The following NBEAL2 variants were observed in gnomAD, a reference collection of about 807,000 sequenced individuals.
NBEAL2 encodes the protein neurobeachin-like protein 2.
NBEAL2 carries 160 observed loss-of-function variants against 299.8 expected under a neutral mutation model. The ratio of observed to expected loss-of-function variants is 0.53; its 90% CI spans 0.47 to 0.61. The LOEUF is 0.61. NBEAL2 is among the 20% of genes least tolerant of loss of function. The pLI is 0.00. For synonymous variants in NBEAL2, 1,493 were observed against 1,542.3 expected (o/e 0.97, Z 0.75); for missense variants, 3,112 against 3,649.0 (o/e 0.85, Z 3.79).
At position 46,986,722 on chromosome 3, in the gene NBEAL2, T is replaced by G. The variant is rs73831467; in HGVS notation, c.52-1947T>G. Among the ~76,000 whole-genome samples, 323 of 152,248 alleles carry G rather than the reference T, an allele frequency of 2.1e-3. 3 individuals carry two copies. Among genetic ancestry groups the G allele is most frequent in the African/African-American group, 7.5e-3 (310 of 41,540 alleles). On this transcript the variant is annotated intron_variant, in intron 1 of 53. Coordinates refer to ENST00000450053, the MANE Select transcript of NBEAL2 (RefSeq NM_015175.3). ...CGGGGCCCGCATGGTCCTCATGGGC[T>G]GGCTTGCTAGCAATCATGAGTGGTC...
Position 46,998,866 on chromosome 3 carries a change from G to T in NBEAL2, c.3371G>T (p.Gly1124Val), listed in dbSNP as rs751177103. 3.0e-5 allele frequency: 48 copies of T among 1,590,626 alleles called. No homozygotes were observed. In the African/African-American group the frequency reaches 6.0e-4, roughly 20 times the overall value. ...ATGCTGAGCTTTTTGGCGGCCACAGGCGATGACGGTCAGGTAGGCTGGAGG... is the reference window on the plus strand; with the variant it reads ...ATGCTGAGCTTTTTGGCGGCCACAGTCGATGACGGTCAGGTAGGCTGGAGG... Reference protein sequence around the residue: ...QTMLSFLAATGDDGQAVGALD... With the variant: ...QTMLSFLAATVDDGQAVGALD... The change falls in exon 23 of 54, where the codon GGC becomes GTC. Residue 1124 changes from glycine to valine, a missense_variant. Transcript: ENST00000450053.
Position 47,005,057 on chromosome 3 carries a change from G to A in NBEAL2, c.6380G>A (p.Gly2127Asp). The part of the protein sequence containing the change: ...AVFRDLSKPI[G>D]VVNPKHAQLV... ...TTCCGGGACCTGTCTAAGCCCATCGGTGTGGTGAACCCCAAGCATGCCCAG... is the reference window on the plus strand; with the variant it reads ...TTCCGGGACCTGTCTAAGCCCATCGATGTGGTGAACCCCAAGCATGCCCAG... Residue 2127 changes from glycine (G) to aspartate (D), a missense_variant, in exon 39 of 54, where the codon GGT becomes GAT. Coordinates refer to ENST00000450053, the MANE Select transcript of NBEAL2 (RefSeq NM_015175.3). 6.2e-7 allele frequency: 1 copy of A among 1,613,792 alleles called. No homozygotes were observed. Among genetic ancestry groups the A allele is most frequent in the East Asian group, 2.2e-5 (1 of 44,872 alleles).
In NBEAL2 at chr3:46,991,763, A is replaced by T; in HGVS notation, c.925+75A>T. On this transcript the variant is annotated intron_variant, in intron 8 of 53. Transcript: ENST00000450053. The surrounding 1 kb of genome is among the most constrained non-coding windows in gnomAD (Gnocchi z 6.2). The stretch of plus-strand genomic sequence containing the variant: ...GCCTAAGTGATGATGGAAGGTCTGG[A>T]TAGGGCAGCATAGGAAGGAAGGCTT... 1.3e-6 allele frequency: 2 copies of T among 1,561,414 alleles called. No homozygotes were observed.
chr3:46,989,527 A>C lies in NBEAL2; in HGVS notation c.490A>C (p.Lys164Gln), dbSNP rs767271874. ...TGCCCCCAGGGAAGTCATCAGCTCC[A>C]AGGAGAAGAGCAAATACAAGTTCCC... Reference protein sequence around the residue: ...RQRSGEVISSKEKSKYKFPPA... With the variant: ...RQRSGEVISSQEKSKYKFPPA... Residue 164 changes from lysine (K) to glutamine (Q), a missense_variant, in exon 6 of 54, where the codon AAG (lysine) becomes CAG (glutamine). Transcript: ENST00000450053. The surrounding 1 kb of genome is among the most constrained non-coding windows in gnomAD (Gnocchi z 5.5). The C allele has an allele frequency of 6.3e-7, 1 of 1,595,374 alleles. No individual in the cohort carries two copies. Among genetic ancestry groups the C allele is most frequent in the South Asian group, 1.1e-5 (1 of 87,806 alleles).
chr3:46,992,172 A>G (rs917264640), intron 9 of NBEAL2, among the ~76,000 whole-genome samples: 2 of 152,164 alleles, frequency 1.3e-5, no homozygotes, highest in Non-Finnish European at 2.9e-5. Context: ...TTTGTGCCCC[A>G]TGGAAGCGGG....
Position 46,982,496 on chromosome 3 carries a change from T to C in NBEAL2, c.51+2584T>C, listed in dbSNP as rs745584709. ...GGCCTCATAGTGAGGGAGGGGGCTG[T>C]GGGTGGCTGCTGAGGGAAGAGGGAA... On this transcript the variant is annotated intron_variant, in intron 1 of 53. Transcript: ENST00000450053. The surrounding 1 kb of genome is among the most constrained non-coding windows in gnomAD (Gnocchi z 4.2). Among the ~76,000 whole-genome samples, 10 of 152,096 alleles carry C rather than the reference T, an allele frequency of 6.6e-5. No individual in the cohort carries two copies. Among genetic ancestry groups the C allele is most frequent in the Non-Finnish European group, 1.3e-4 (9 of 68,016 alleles).
At chr3:46,990,175 T>C (rs1230706846) in intron 6 of NBEAL2, among the ~76,000 whole-genome samples, 1 of 152,078 alleles carries the variant, frequency 6.6e-6, no homozygotes, top group African/African-American at 2.4e-5. Flanking sequence ...GAAAAGGTGG[T>C]GACCTATTGG....
In NBEAL2 at chr3:47,000,934, G is replaced by T; in HGVS notation, c.4306-67G>T. 1 of 1,544,940 alleles carries T rather than the reference G, an allele frequency of 6.5e-7. No homozygotes were observed. The highest frequency in any genetic ancestry group is 8.8e-7 in the Non-Finnish European group (1 of 1,142,838). The stretch of plus-strand genomic sequence containing the variant: ...AGGGGTGCTGAGTGGGGATGGGTGG[G>T]CGTCAGCCTGATTCCCTCCCTTAGC... On this transcript the variant is annotated intron_variant, in intron 27 of 53. Transcript: ENST00000450053. The surrounding 1 kb of genome is among the most constrained non-coding windows in gnomAD (Gnocchi z 4.5).
Position 46,991,660 on chromosome 3 carries a change from C to T in NBEAL2, c.897C>T (p.Ala299=). Residue 299 remains alanine (A), a synonymous_variant, in exon 8 of 54, where the codon GCC becomes GCT. Coordinates refer to ENST00000450053, the MANE Select transcript of NBEAL2 (RefSeq NM_015175.3). This position sits in a 1 kb window ranked among gnomAD's most constrained non-coding sequence, Gnocchi z 6.2. Reference sequence around the variant, plus strand: ...GTCTGAGCTCAGGCCCCGAAGAGGCCCTTGTCACCCTCCGGGTCAGCATGC... The same window carrying T: ...GTCTGAGCTCAGGCCCCGAAGAGGCTCTTGTCACCCTCCGGGTCAGCATGC... ...PAGLSSGPEE[A]LVTLRVSMLD... is the part of the protein sequence containing the mutation. 2 of 1,599,008 alleles carry T rather than the reference C, an allele frequency of 1.3e-6. No homozygotes were observed. Among genetic ancestry groups the T allele is most frequent in the Non-Finnish European group, 8.5e-7 (1 of 1,179,328 alleles).
chr3:46,989,025 G>C lies in NBEAL2; in HGVS notation c.269+55G>C, dbSNP rs943514093. 1.9e-6 allele frequency: 3 copies of C among 1,611,592 alleles called. No individual in the cohort carries two copies. Among genetic ancestry groups the C allele is most frequent in the Non-Finnish European group, 2.5e-6 (3 of 1,178,862 alleles). On this transcript the variant is annotated intron_variant, in intron 3 of 53. Transcript: ENST00000450053. The surrounding 1 kb of genome is among the most constrained non-coding windows in gnomAD (Gnocchi z 5.5). ...GGCCTAGAACTGTGGGCCAGAGGGA[G>C]AGGGGACAAGGAGGGGCATGGTGTA...
At position 47,000,915 on chromosome 3, in the gene NBEAL2, G is replaced by T. The variant is rs1414182106; in HGVS notation, c.4306-86G>T. On this transcript the variant is annotated intron_variant, in intron 27 of 53. Transcript: ENST00000450053. This position sits in a 1 kb window ranked among gnomAD's most constrained non-coding sequence, Gnocchi z 4.5. Reference sequence around the variant, plus strand: ...CCTGGGTGGCTACCCCAGGAGGGGTGCTGAGTGGGGATGGGTGGGCGTCAG... The same window carrying T: ...CCTGGGTGGCTACCCCAGGAGGGGTTCTGAGTGGGGATGGGTGGGCGTCAG... 14 of 1,536,456 alleles carry T rather than the reference G, an allele frequency of 9.1e-6. No homozygotes were observed. The highest frequency in any genetic ancestry group is 1.1e-5 in the Non-Finnish European group (13 of 1,137,048).
Position 46,979,700 on chromosome 3 carries a change from C to T in NBEAL2, c.-162C>T, listed in dbSNP as rs886058587. On this transcript the variant is annotated 5_prime_UTR_variant, in exon 1 of 54. Coordinates refer to ENST00000450053, the MANE Select transcript of NBEAL2 (RefSeq NM_015175.3). ...GAGGAGCGAGCAGACTTGGGTGGCT[C>T]TGCGCCGCGGAGGCCACAGCCGCAG... 3 of 311,436 alleles carry T rather than the reference C, an allele frequency of 9.6e-6. No homozygotes were observed. The highest frequency in any genetic ancestry group is 1.8e-5 in the Non-Finnish European group (3 of 169,634). 19.3% of individuals were successfully genotyped at this position (311,436 alleles called of 1,614,324 possible). A position where few individuals can be genotyped will look rare whatever the true frequency, so the allele number is the denominator to read the frequency against.
chr3:47,004,142 C>G lies in NBEAL2; in HGVS notation c.5947C>G (p.Leu1983Val), dbSNP rs2037241633. The G allele has an allele frequency of 6.2e-7, 1 of 1,613,604 alleles. No individual in the cohort carries two copies. Among genetic ancestry groups the G allele is most frequent in the South Asian group, 1.1e-5 (1 of 91,090 alleles). ...TGAGGTCCACCTGCGGCGTTTCAAC[C>G]TGCGCCGTTCAGCACTTGAGCTCTT... The part of the protein sequence containing the change: ...LREVHLRRFN[L>V]RRSALELFFI... Residue 1983 changes from leucine (L) to valine (V), a missense_variant, in exon 37 of 54, where the codon CTG (leucine) becomes GTG (valine). By Grantham distance (32) the Leu-to-Val change is conservative. Around this residue, in one of 3 missense-constraint regions of NBEAL2, gnomAD observed 521 missense variants for 729.6 expected, o/e 0.71. Transcript: ENST00000450053. This position sits in a 1 kb window ranked among gnomAD's most constrained non-coding sequence, Gnocchi z 5.0.
Position 46,999,465 on chromosome 3 carries a change from C to T in NBEAL2, c.3694C>T (p.Leu1232=). The change falls in exon 25 of 54, where the codon CTG becomes TTG. Residue 1232 remains leucine, a synonymous_variant. Transcript: ENST00000450053. ...CTGCCAGGGCCTCTACAAGCTGTTCCTGGGGGCAGGTACAACCTGGTTAAG... is the reference window on the plus strand; with the variant it reads ...CTGCCAGGGCCTCTACAAGCTGTTCTTGGGGGCAGGTACAACCTGGTTAAG... ...QLCQGLYKLF[L]GADCLNLSDL... 6.3e-7 allele frequency: 1 copy of T among 1,580,410 alleles called. No homozygotes were observed. The highest frequency in any genetic ancestry group is 8.6e-7 in the Non-Finnish European group (1 of 1,163,082).
rs1240337139 is a variant in NBEAL2, at chr3:46,991,189, A to T, written c.557-30A>T. On this transcript the variant is annotated intron_variant, in intron 6 of 53. Coordinates refer to ENST00000450053, the MANE Select transcript of NBEAL2 (RefSeq NM_015175.3). The surrounding 1 kb of genome is among the most constrained non-coding windows in gnomAD (Gnocchi z 6.2). ...GGTCCATAGCCCTGCAACCTTGGTG[A>T]CATTACCCTGCCCACACCCCCCTAC... 6.4e-7 allele frequency: 1 copy of T among 1,567,096 alleles called. No homozygotes were observed. The highest frequency in any genetic ancestry group is 8.7e-7 in the Non-Finnish European group (1 of 1,149,364).
At position 46,989,198 on chromosome 3, in the gene NBEAL2, G is replaced by A. The variant is rs1032178290; in HGVS notation, c.351+32G>A. On this transcript the variant is annotated intron_variant, in intron 4 of 53. Coordinates refer to ENST00000450053, the MANE Select transcript of NBEAL2 (RefSeq NM_015175.3). The surrounding 1 kb of genome is among the most constrained non-coding windows in gnomAD (Gnocchi z 5.5). The stretch of plus-strand genomic sequence containing the variant: ...TGGCCTCTACCTTGGGGGGCAGAGG[G>A]TGTATGCAGGGAGGCAGGCGGTAGC... 6.2e-7 allele frequency: 1 copy of A among 1,613,490 alleles called. No homozygotes were observed. The highest frequency in any genetic ancestry group is 1.3e-5 in the African/African-American group (1 of 75,044).
In NBEAL2 at chr3:46,982,558, T is replaced by G. The variant is rs1048691663; in HGVS notation, c.51+2646T>G. ...TCCCAGGACTTCACTCAGTTGGAGCTCCTTAGGGCCCTGGTGGGGAAACCA... is the reference window on the plus strand; with the variant it reads ...TCCCAGGACTTCACTCAGTTGGAGCGCCTTAGGGCCCTGGTGGGGAAACCA... On this transcript the variant is annotated intron_variant, in intron 1 of 53. Coordinates refer to ENST00000450053, the MANE Select transcript of NBEAL2 (RefSeq NM_015175.3). The surrounding 1 kb of genome is among the most constrained non-coding windows in gnomAD (Gnocchi z 4.2). 1.3e-5 allele frequency among the ~76,000 whole-genome samples: 2 copies of G among 152,092 alleles called. No homozygotes were observed. Among genetic ancestry groups the G allele is most frequent in the South Asian group, 4.1e-4 (2 of 4,826 alleles).
At position 47,003,969 on chromosome 3, in the gene NBEAL2, C is replaced by T. The variant is rs138278141; in HGVS notation, c.5874C>T (p.Thr1958=). ...ATGGCAGCACTGAGCGCGTGGAAAC[C>T]GAGGAGGGTGCGTCCTGGTGGTGTG... ...FYDGSTERVE[T]EEGIGYDFRR... Residue 1958 remains threonine (T), a synonymous_variant, in exon 36 of 54, where the codon ACC becomes ACT. Transcript: ENST00000450053. This position sits in a 1 kb window ranked among gnomAD's most constrained non-coding sequence, Gnocchi z 7.0. 3.4e-5 allele frequency: 55 copies of T among 1,613,010 alleles called. 1 individual carries two copies. Among genetic ancestry groups the T allele is most frequent in the Non-Finnish European group, 4.2e-5 (50 of 1,179,376 alleles).
chr3:47,007,357 CAG>C lies in NBEAL2; in HGVS notation c.7334+10_7334+11del, dbSNP rs2037525400. 6.3e-7 allele frequency: 1 copy of C among 1,598,252 alleles called. No individual in the cohort carries two copies. Among genetic ancestry groups the C allele is most frequent in the Non-Finnish European group, 8.5e-7 (1 of 1,172,240 alleles). On this transcript the variant is annotated splice_region_variant and intron_variant, in intron 47 of 53. Transcript: ENST00000450053. Reference sequence around the variant, plus strand: ...CCACCATGGGCAGCCACAAGTAGGACAGAGGGCTGTGGGTGGGGTGGGCTACA... The same window carrying C: ...CCACCATGGGCAGCCACAAGTAGGACAGGGCTGTGGGTGGGGTGGGCTACA...
Sources: allele counts gnomAD v4.1 joint callset (sites outside exome capture counted in the v4.1 genomes callset), GRCh38; gene constraint gnomAD v4.1.1; regional missense constraint gnomAD v4.1.1; non-coding constraint Gnocchi (gnomAD v3.1); transcripts MANE v1.5; gene names NCBI Gene and HGNC (gene_info 2026-07-23, HGNC 2026-07-21).